ANKS1B: variants seen among roughly 807,000 people sequenced by gnomAD.
ANKS1B encodes ankyrin repeat and sterile alpha motif domain-containing protein 1B.
ANKS1B carries 36 observed loss-of-function variants against 148.3 expected under a neutral mutation model. The ratio of observed to expected loss-of-function variants is 0.24; its 90% CI spans 0.19 to 0.32. The LOEUF is 0.32. Among genes scored for constraint, ANKS1B ranks in the 10% least tolerant of loss-of-function variants. The pLI is 1.00. For synonymous variants in ANKS1B, 542 were observed against 560.8 expected (o/e 0.97, Z 0.47); for missense variants, 1,157 against 1,542.6 (o/e 0.75, Z 4.19).
intron 25 of ANKS1B, among the ~76,000 whole-genome samples, chr12:98,771,937 AACTG>A (rs2098588649): frequency 6.6e-6 from 1 of 152,206 alleles, no homozygotes; most frequent in Non-Finnish European, 1.5e-5. Flanking sequence ...CTACTAGAGA[AACTG>A]ACAGACATAG....
chr12:99,739,240 C>G (rs1254559089), intron 8 of ANKS1B, among the ~76,000 whole-genome samples: 2 of 147,430 alleles, frequency 1.4e-5, no homozygotes, highest in East Asian at 4.0e-4. Flanking sequence ...AGTATGGCAT[C>G]TAGTATCTTG....
At chr12:99,134,742 G>C (rs966575963) in intron 15 of ANKS1B, among the ~76,000 whole-genome samples, 1 of 146,180 alleles carries the variant, frequency 6.8e-6, no homozygotes, top group African/African-American at 2.5e-5. Flanking sequence ...AGGAAGTAAG[G>C]CTAACTCTCT....
intron 17 of ANKS1B, among the ~76,000 whole-genome samples, chr12:98,864,703 C>T (rs151135709): frequency 1.3e-5 from 2 of 152,196 alleles, no homozygotes; most frequent in African/African-American, 2.4e-5. Context: ...TGTATACTTA[C>T]ATCCTAGTGG....
At chr12:98,747,122 G>A (rs570880467) in intron 26 of ANKS1B, among the ~76,000 whole-genome samples, 4 of 152,168 alleles carry the variant, frequency 2.6e-5, no homozygotes, top group African/African-American at 9.6e-5. Context: ...TCAACAAAGC[G>A]AAAAGACAAC....
At chr12:99,714,486 C>T (rs1281473598) in intron 8 of ANKS1B, among the ~76,000 whole-genome samples, 1 of 152,144 alleles carries the variant, frequency 6.6e-6, no homozygotes, top group Non-Finnish European at 1.5e-5. Context: ...AGCATGTGCT[C>T]ACCTCATGGC....
chr12:99,959,610 A>G (rs2095379842), intron 1 of ANKS1B, among the ~76,000 whole-genome samples: 1 of 152,212 alleles, frequency 6.6e-6, no homozygotes, highest in Admixed American at 6.5e-5. Flanking sequence ...GCTTGCTAAT[A>G]TAAGGACATT....
At chr12:99,358,639 C>T (rs184152224) in intron 12 of ANKS1B, among the ~76,000 whole-genome samples, 4 of 151,902 alleles carry the variant, frequency 2.6e-5, no homozygotes, top group East Asian at 1.9e-4. Context: ...AGTATCTTGC[C>T]GGGAAAAGTT....
intron 9 of ANKS1B, among the ~76,000 whole-genome samples, chr12:99,538,306 T>C (rs2097093006): frequency 6.6e-6 from 1 of 152,116 alleles, no homozygotes; most frequent in African/African-American, 2.4e-5. Flanking sequence ...ATGTTATTGG[T>C]ATTTTGATAG....
chr12:99,703,139 A>G (rs1183232559), intron 8 of ANKS1B, among the ~76,000 whole-genome samples: 1 of 152,064 alleles, frequency 6.6e-6, no homozygotes. Context: ...GGAAACATTG[A>G]CTCTCTTTCT....
intron 4 of ANKS1B, among the ~76,000 whole-genome samples, chr12:99,790,120 G>T (rs932447025): frequency 6.6e-6 from 1 of 152,104 alleles, no homozygotes; most frequent in Admixed American, 6.6e-5. Flanking sequence ...AGCAGTAAGA[G>T]AAAATAAACA....
chr12:99,465,665 T>C lies in ANKS1B; in HGVS notation c.1439-21856A>G, dbSNP rs553116318. ...ATCCTAGTCTCTGATAAAACAGACT[T>C]TAAACCAACAAAGATCAAAAGAGAC... On this transcript the variant is annotated intron_variant, in intron 10 of 26. Transcript: ENST00000683438. Among the ~76,000 whole-genome samples the C allele has an allele frequency of 7.9e-5, 12 of 152,102 alleles. No individual in the cohort carries two copies. In the South Asian group the frequency reaches 2.5e-3, roughly 32 times the overall value.
chr12:99,460,925 C>CA (rs1455665289), intron 10 of ANKS1B, among the ~76,000 whole-genome samples: 1 of 151,756 alleles, frequency 6.6e-6, no homozygotes, highest in Non-Finnish European at 1.5e-5. Context: ...AGTCATTATA[C>CA]AAAAAAAGAT....
intron 17 of ANKS1B, among the ~76,000 whole-genome samples, chr12:98,989,128 A>G (rs1359273243): frequency 1.3e-5 from 2 of 151,990 alleles, no homozygotes; most frequent in African/African-American, 2.4e-5. Flanking sequence ...AATCCCAGTT[A>G]TCTATCTTGC....
intron 4 of ANKS1B, among the ~76,000 whole-genome samples, chr12:99,803,285 A>C (rs201589885): frequency 0.14 from 9,879 of 69,952 alleles, 510 homozygotes; most frequent in South Asian, 0.17. Flanking sequence ...ACCCCCCCCC[A>C]AAAAAAAAGG....
chr12:98,834,060 G>T (rs989763392), intron 17 of ANKS1B, among the ~76,000 whole-genome samples: 3 of 152,248 alleles, frequency 2.0e-5, no homozygotes, highest in African/African-American at 7.2e-5. Flanking sequence ...TCCTTTGACA[G>T]CCACCCTCTG....
rs145617085 is a variant in ANKS1B, at chr12:98,910,544, C to T, written c.2779-78408G>A. On this transcript the variant is annotated intron_variant, in intron 17 of 26. Coordinates refer to ENST00000683438, the MANE Select transcript of ANKS1B (RefSeq NM_001352186.2). ...ACATGCTGAAAGTTCAGAAAAAATG[C>T]AAAACTTACTTTAATTAGGAGATGG... Among the ~76,000 whole-genome samples the T allele has an allele frequency of 6.6e-5, 10 of 152,196 alleles. No homozygotes were observed. In the East Asian group the frequency reaches 1.9e-3, roughly 29 times the overall value.
At chr12:99,635,576 A>G (rs2040497047) in intron 9 of ANKS1B, among the ~76,000 whole-genome samples, 1 of 152,148 alleles carries the variant, frequency 6.6e-6, no homozygotes, top group Admixed American at 6.5e-5. Context: ...AAAAAGTAGA[A>G]TGGTGGTTGC....
At chr12:99,957,312 T>A (rs1370600593) in intron 1 of ANKS1B, among the ~76,000 whole-genome samples, 1 of 152,194 alleles carries the variant, frequency 6.6e-6, no homozygotes, top group Non-Finnish European at 1.5e-5. Context: ...AACTTTTTCT[T>A]TTCTCTTTGC....
intron 1 of ANKS1B, among the ~76,000 whole-genome samples, chr12:99,865,671 A>T (rs2090643615): frequency 6.6e-6 from 1 of 152,232 alleles, no homozygotes; most frequent in Non-Finnish European, 1.5e-5. Context: ...TCCGAACCCA[A>T]GTACTTAATA....
Sources: gnomAD v4.1 joint callset for allele counts (sites outside exome capture counted in the v4.1 genomes callset) on GRCh38, gnomAD v4.1.1 for gene constraint, MANE v1.5 for transcripts, NCBI Gene and HGNC (gene_info 2026-07-23, HGNC 2026-07-21) for gene names.